The following CACNA2D1 variants were observed in gnomAD, a reference collection of about 807,000 sequenced individuals.
CACNA2D1 encodes the protein voltage-dependent calcium channel subunit alpha-2/delta-1.
In CACNA2D1, 53 loss-of-function variants were observed where a neutral mutation model predicts 171.5. That is an observed-to-expected ratio of 0.31 (90% CI 0.25 to 0.39). The LOEUF is 0.39. CACNA2D1 is among the 10% of genes least tolerant of loss of function. The pLI is 1.00. For synonymous variants in CACNA2D1, 442 were observed against 443.1 expected, an observed-to-expected ratio of 1.00 and a Z score of 0.03; for missense variants, 903 against 1,299.8, an observed-to-expected ratio of 0.69 and a Z score of 4.69.
chr7:82,431,387 T>C (rs1829659619), intron 1 of CACNA2D1, among the ~76,000 whole-genome samples: 2 of 152,220 alleles, frequency 1.3e-5, no homozygotes, highest in Non-Finnish European at 2.9e-5. Flanking sequence ...CATTCTTTCA[T>C]TTAATCCTCA....
At chr7:82,160,884 T>C (rs985693365) in intron 4 of CACNA2D1, among the ~76,000 whole-genome samples, 1 of 152,210 alleles carries the variant, frequency 6.6e-6, no homozygotes, top group East Asian at 1.9e-4. Flanking sequence ...TGGGTCACTA[T>C]TGTAGGGAAA....
chr7:82,151,277 T>C (rs970821435), intron 4 of CACNA2D1, among the ~76,000 whole-genome samples: 3 of 152,134 alleles, frequency 2.0e-5, no homozygotes, highest in Non-Finnish European at 4.4e-5. Flanking sequence ...AAATGCATAA[T>C]TGTTTAGTAA....
chr7:82,164,490 A>G (rs552445328), intron 4 of CACNA2D1, among the ~76,000 whole-genome samples: 1 of 152,128 alleles, frequency 6.6e-6, no homozygotes, highest in Non-Finnish European at 1.5e-5. Context: ...AGAAATTTCT[A>G]GGCAGAGATT....
intron 14 of CACNA2D1, 142 bp downstream of exon 14, chr7:82,013,319 C>A: frequency 4.1e-6 from 1 of 244,074 alleles, no homozygotes; most frequent in Non-Finnish European, 7.9e-6. Flanking sequence ...AATGTATCAA[C>A]AAGATACTCA....
chr7:82,410,981 T>C (rs1563514787), intron 1 of CACNA2D1, among the ~76,000 whole-genome samples: 1 of 152,242 alleles, frequency 6.6e-6, no homozygotes, highest in African/African-American at 2.4e-5. Context: ...ACTTTGAAGA[T>C]ATTTTTTCAC....
At chr7:82,258,141 T>C (rs1806520735) in intron 3 of CACNA2D1, among the ~76,000 whole-genome samples, 3 of 152,072 alleles carry the variant, frequency 2.0e-5, no homozygotes, top group African/African-American at 7.2e-5. Flanking sequence ...ATACAGGAGT[T>C]CAAAGAGGAA....
chr7:82,439,219 T>C (rs1830316836), intron 1 of CACNA2D1, among the ~76,000 whole-genome samples: 1 of 152,090 alleles, frequency 6.6e-6, no homozygotes, highest in Non-Finnish European at 1.5e-5. Context: ...TAAAAATTAT[T>C]TGTAAAATTT....
At chr7:82,189,604 A>G (rs989218716) in intron 3 of CACNA2D1, among the ~76,000 whole-genome samples, 43 of 151,928 alleles carry the variant, frequency 2.8e-4, no homozygotes, top group African/African-American at 1.0e-3. Context: ...AAAACAAAGG[A>G]GAATAGAAGA....
intron 6 of CACNA2D1, among the ~76,000 whole-genome samples, chr7:82,095,207 C>T (rs778540183): frequency 2.4e-4 from 36 of 151,990 alleles, no homozygotes; most frequent in Non-Finnish European, 4.3e-4. Flanking sequence ...ACTTGTTAAA[C>T]TTCTCCCTTC....
At chr7:82,247,622 T>C (rs577145799) in intron 3 of CACNA2D1, among the ~76,000 whole-genome samples, 1 of 152,338 alleles carries the variant, frequency 6.6e-6, no homozygotes, top group South Asian at 2.1e-4. Flanking sequence ...TGCTTTATCA[T>C]GAAAACACAG....
intron 2 of CACNA2D1, among the ~76,000 whole-genome samples, chr7:82,349,239 A>T (rs1395122571): frequency 6.6e-6 from 1 of 152,206 alleles, no homozygotes; most frequent in African/African-American, 2.4e-5. Flanking sequence ...GGATTATTAA[A>T]TATATTCTGA....
At chr7:81,987,923 G>C (rs1286659398) in intron 21 of CACNA2D1, among the ~76,000 whole-genome samples, 1 of 152,058 alleles carries the variant, frequency 6.6e-6, no homozygotes, top group East Asian at 1.9e-4. Context: ...AATGGAAGGA[G>C]ACAAAAGTTT....
chr7:82,081,890 C>T (rs549275601), intron 7 of CACNA2D1, among the ~76,000 whole-genome samples: 11 of 152,170 alleles, frequency 7.2e-5, no homozygotes, highest in East Asian at 3.9e-4. Context: ...GGCTCCGGTC[C>T]GCCATTCCAA....
At chr7:82,085,962 G>C (rs1810433693) in intron 6 of CACNA2D1, among the ~76,000 whole-genome samples, 2 of 151,828 alleles carry the variant, frequency 1.3e-5, no homozygotes, top group Non-Finnish European at 2.9e-5. Context: ...AATTTAATTG[G>C]CCTAATATAA....
intron 3 of CACNA2D1, among the ~76,000 whole-genome samples, chr7:82,255,891 G>T (rs1289088194): frequency 6.6e-6 from 1 of 152,142 alleles, no homozygotes; most frequent in Non-Finnish European, 1.5e-5. Flanking sequence ...GTCATTCTGG[G>T]TTAATTAGGA....
chr7:82,219,636 C>T (rs1801538222), intron 3 of CACNA2D1, among the ~76,000 whole-genome samples: 1 of 151,986 alleles, frequency 6.6e-6, no homozygotes, highest in South Asian at 2.1e-4. Context: ...AGAGCAAAGA[C>T]CTAGTCTCAG....
In CACNA2D1 at chr7:82,001,932, G is replaced by T. The variant is rs190940853; in HGVS notation, c.1590+3491C>A. Among the ~76,000 whole-genome samples, 383 of 142,842 alleles carry T rather than the reference G, an allele frequency of 2.7e-3. 1 individual carries two copies. Among genetic ancestry groups the T allele is most frequent in the Non-Finnish European group, 4.7e-3 (315 of 66,520 alleles). The allele number at this position is 142,842 out of a possible 152,430, so 93.7% of individuals were successfully genotyped here. ...AAACTGTTACATTTTTAAGAAAAAT[G>T]ACTATTATTTTTCTTTTTCTAGAAA... is the stretch of plus-strand genomic sequence containing the variant. On this transcript the variant is annotated intron_variant, in intron 18 of 38. Transcript: ENST00000356860.
intron 1 of CACNA2D1, among the ~76,000 whole-genome samples, chr7:82,371,173 A>C (rs925297575): frequency 8.5e-5 from 13 of 152,190 alleles, no homozygotes; most frequent in Admixed American, 8.5e-4. Flanking sequence ...AATGTAATGA[A>C]AATAGAAATA....
At chr7:82,435,198 G>C (rs1351364449) in intron 1 of CACNA2D1, among the ~76,000 whole-genome samples, 7 of 151,872 alleles carry the variant, frequency 4.6e-5, no homozygotes, top group African/African-American at 1.7e-4. Flanking sequence ...ATCACACCCG[G>C]CTAATTTTTT....
Sources: gnomAD v4.1 joint callset for allele counts (sites outside exome capture counted in the v4.1 genomes callset) on GRCh38, gnomAD v4.1.1 for gene constraint, MANE v1.5 for transcripts, NCBI Gene and HGNC (gene_info 2026-07-23, HGNC 2026-07-21) for gene names.